Variants in TMEM225B observed in about 807,000 individuals in gnomAD.
TMEM225B encodes the protein transmembrane protein 225B, also known as transmembrane protein 225-like.
TMEM225B carries 10 observed loss-of-function variants against 16.9 expected under a neutral mutation model. The observed-to-expected ratio is 0.59, with a 90% CI of 0.36 to 1.00. The LOEUF (loss-of-function observed/expected upper bound fraction) is 1.00. Among genes scored for constraint, TMEM225B ranks in the 50% least tolerant of loss-of-function variants. The pLI, the probability that TMEM225B is intolerant of heterozygous loss-of-function variation, is 0.01. For synonymous variants in TMEM225B, 92 were observed against 109.8 expected, an observed-to-expected ratio of 0.84 and a Z score of 1.01; for missense variants, 217 against 267.0, an observed-to-expected ratio of 0.81 and a Z score of 1.30.
intron 2 of TMEM225B, among the ~76,000 whole-genome samples, chr7:99,603,117 C>G (rs1253115878): frequency 6.6e-6 from 1 of 152,196 alleles, no homozygotes; most frequent in Non-Finnish European, 1.5e-5. Context: ...AGGGCCCAGG[C>G]TGCAGGAGGC....
At chr7:99,604,002 G>A (rs988478014) in intron 2 of TMEM225B, among the ~76,000 whole-genome samples, 1 of 152,062 alleles carries the variant, frequency 6.6e-6, no homozygotes, top group African/African-American at 2.4e-5. Flanking sequence ...CGATCCGCCT[G>A]TCTCAGCCTC....
chr7:99,603,228 T>G (rs894033766), intron 2 of TMEM225B, among the ~76,000 whole-genome samples: 4 of 152,178 alleles, frequency 2.6e-5, no homozygotes, highest in Admixed American at 2.0e-4. Flanking sequence ...TCTCCCCACC[T>G]AAACCCACAG....
chr7:99,607,034 C>T (rs1805876152), intron 4 of TMEM225B, 140 bp downstream of exon 4: 3 of 933,202 alleles, frequency 3.2e-6, no homozygotes, highest in South Asian at 3.4e-5. Context: ...GTTACCCAGG[C>T]TGGAGTGCAG....
intron 5 of TMEM225B, among the ~76,000 whole-genome samples, chr7:99,609,289 A>G (rs191460507): frequency 2.8e-4 from 42 of 152,286 alleles, no homozygotes; most frequent in Non-Finnish European, 8.8e-5. Context: ...ATTTCCATGA[A>G]TTCTTTGAAG....
Position 99,604,532 on chromosome 7 carries a change from C to G in TMEM225B, c.144C>G (p.Val48=). 1 of 1,536,122 alleles carries G rather than the reference C, an allele frequency of 6.5e-7. No individual in the cohort carries two copies. The highest frequency in any genetic ancestry group is 8.7e-7 in the Non-Finnish European group (1 of 1,146,906). The change falls in exon 3 of 6, where the codon GTC becomes GTG. Residue 48 remains valine (V), a synonymous_variant. Coordinates refer to ENST00000431679, the MANE Select transcript of TMEM225B (RefSeq NM_001195541.3). Reference sequence around the variant, plus strand: ...TGACAAACGAGGAGTCCCACGAAGTCTTTTTCAGTGGCCTATTTGAGAACT... The same window carrying G: ...TGACAAACGAGGAGTCCCACGAAGTGTTTTTCAGTGGCCTATTTGAGAACT... ...VRLTNEESHE[V]FFSGLFENCF...
intron 2 of TMEM225B, among the ~76,000 whole-genome samples, chr7:99,604,045 G>A (rs1038427696): frequency 1.3e-5 from 2 of 152,066 alleles, no homozygotes; most frequent in African/African-American, 4.8e-5. Flanking sequence ...GTGAACCACC[G>A]CACCCAGCTG....
At chr7:99,605,011 A>G (rs1805681676) in intron 3 of TMEM225B, among the ~76,000 whole-genome samples, 1 of 134,494 alleles carries the variant, frequency 7.4e-6, no homozygotes, top group Non-Finnish European at 1.5e-5. Flanking sequence ...AACAACAACA[A>G]CAACAACAAC....
In TMEM225B at chr7:99,599,790, G is replaced by A. The variant is rs564579121; in HGVS notation, c.-84-415G>A. Reference sequence around the variant, plus strand: ...GGTGGCTGGTGAGACTGTCCTGGCAGTGATGCAGTATTCTGGTCCCTGTGC... The same window carrying A: ...GGTGGCTGGTGAGACTGTCCTGGCAATGATGCAGTATTCTGGTCCCTGTGC... On this transcript the variant is annotated intron_variant, in intron 1 of 5. Transcript: ENST00000431679. Among the ~76,000 whole-genome samples, 3 of 152,312 alleles carry A rather than the reference G, an allele frequency of 2.0e-5. No homozygotes were observed. In the East Asian group the frequency reaches 5.8e-4, roughly 29 times the overall value.
In TMEM225B at chr7:99,610,283, A is replaced by G. The variant is rs148866224; in HGVS notation, c.494-110A>G. The G allele has an allele frequency of 3.6e-3, 2,560 of 714,610 alleles. 30 individuals carry two copies. In the African/African-American group the frequency reaches 0.037, roughly 10 times the overall value. The allele number at this position is 714,610 out of a possible 1,614,324, so 44.3% of individuals were successfully genotyped here. On this transcript the variant is annotated intron_variant, in intron 5 of 5. Coordinates refer to ENST00000431679, the MANE Select transcript of TMEM225B (RefSeq NM_001195541.3). ...GTAATCTCTCTCTGTAATACTCTAG[A>G]TTGGGGGGCAGAATGAGGGAGGGCA...
rs1263672827 is a variant in TMEM225B, at chr7:99,610,731, G to A, written c.*166G>A. On this transcript the variant is annotated 3_prime_UTR_variant, in exon 6 of 6. Transcript: ENST00000431679. ...TACTCACAGTGATTCTATCTTGCTTGTATGTGAAATTTGCTAAAAGTCCTT... is the reference window on the plus strand; with the variant it reads ...TACTCACAGTGATTCTATCTTGCTTATATGTGAAATTTGCTAAAAGTCCTT... The A allele has an allele frequency of 1.1e-5, 6 of 538,938 alleles. No homozygotes were observed. The highest frequency in any genetic ancestry group is 1.9e-5 in the African/African-American group (1 of 53,510). 33.4% of individuals were successfully genotyped at this position (538,938 alleles called of 1,614,324 possible).
intron 4 of TMEM225B, 136 bp downstream of exon 4, chr7:99,607,030 C>A: frequency 1.0e-6 from 1 of 954,200 alleles, no homozygotes; most frequent in African/African-American, 1.6e-5. Flanking sequence ...CTCTGTTACC[C>A]AGGCTGGAGT....
intron 4 of TMEM225B, 47 bp from the exon 5 acceptor site, chr7:99,607,626 C>G: frequency 6.7e-7 from 1 of 1,500,448 alleles, no homozygotes; most frequent in Non-Finnish European, 8.9e-7. Context: ...GGAGGGAAGG[C>G]GGGTAGCATG....
rs748951466 is a variant in TMEM225B at position 99,610,565 on chromosome 7, G to C, written c.666G>C (p.Ter222TyrextTer18). 2.2e-5 allele frequency: 34 copies of C among 1,535,996 alleles called. No individual in the cohort carries two copies. The South Asian group carries it at 4.0e-4, about 18-fold the overall frequency. ...AGGTGACAGCAGAAACAGTCATCTA[G>C]CCCAGGACATGGCTTCTTTACCCTT... Reference protein sequence around the residue: ...ETQVTAETVI* With the variant: ...ETQVTAETVIY Residue 222 changes from the stop codon to tyrosine, a stop_lost, in exon 6 of 6, where the codon TAG becomes TAC. Coordinates refer to ENST00000431679, the MANE Select transcript of TMEM225B (RefSeq NM_001195541.3).
At chr7:99,606,711 G>C (rs1345998462) in intron 3 of TMEM225B, 37 bp from the exon 4 acceptor site, 1 of 1,532,934 alleles carries the variant, frequency 6.5e-7, no homozygotes, top group South Asian at 1.2e-5. Context: ...CCGGGTCAGG[G>C]TTCCCAGCTT....
intron 4 of TMEM225B, 38 bp downstream of exon 4, chr7:99,606,932 G>T: frequency 6.5e-7 from 1 of 1,534,202 alleles, no homozygotes; most frequent in Non-Finnish European, 8.7e-7. Flanking sequence ...CTTCGCTAGG[G>T]CCTGGGGAGG....
At chr7:99,609,732 C>T (rs571515854) in intron 5 of TMEM225B, among the ~76,000 whole-genome samples, 1 of 150,182 alleles carries the variant, frequency 6.7e-6, no homozygotes, top group Non-Finnish European at 1.5e-5. Flanking sequence ...CCGCGCCCGG[C>T]CACTTGTTCT....
At position 99,610,920 on chromosome 7, in the gene TMEM225B, C is replaced by T. The variant is rs1482170525; in HGVS notation, c.*355C>T. The stretch of plus-strand genomic sequence containing the variant: ...AAATGGGATTTTGTGAAACAGAAAC[C>T]GTACAGAATACAGAATATACTCGGG... On this transcript the variant is annotated 3_prime_UTR_variant, in exon 6 of 6. Transcript: ENST00000431679. 2.5e-5 allele frequency: 5 copies of T among 203,346 alleles called. No homozygotes were observed. The highest frequency in any genetic ancestry group is 2.1e-4 in the South Asian group (2 of 9,336). The allele number at this position is 203,346 out of a possible 1,614,324, so 12.6% of individuals were successfully genotyped here. A position where few individuals can be genotyped will look rare whatever the true frequency, so the allele number is the denominator to read the frequency against.
intron 2 of TMEM225B, 53 bp from the exon 3 acceptor site, chr7:99,604,333 C>T: frequency 1.7e-6 from 2 of 1,211,700 alleles, no homozygotes; most frequent in East Asian, 2.5e-5. Flanking sequence ...CTCTGTGCTG[C>T]AGGAGAATTT....
Position 99,607,802 on chromosome 7 carries a change from T to C in TMEM225B, c.485T>C (p.Ile162Thr), listed in dbSNP as rs944923767. The C allele has an allele frequency of 5.3e-5, 81 of 1,535,932 alleles. No homozygotes were observed. In the African/African-American group the frequency reaches 6.8e-4, roughly 13 times the overall value. The change falls in exon 5 of 6, where the codon ATA (isoleucine) becomes ACA (threonine). Residue 162 changes from isoleucine (I) to threonine (T), a missense_variant. Ile to Thr is a moderately conservative substitution (Grantham distance 89, BLOSUM62 -1). Transcript: ENST00000431679. The stretch of plus-strand genomic sequence containing the variant: ...CTGGGCTTCGGCATCTTTCTGTTCA[T>C]AGTGGCTGGTGAGTGTCCAGGGAAC... ...YVLGFGIFLF[I>T]VAGTICLIQE...
Sources: gnomAD v4.1 joint callset for allele counts (sites outside exome capture counted in the v4.1 genomes callset) on GRCh38, gnomAD v4.1.1 for gene constraint, MANE v1.5 for transcripts, NCBI Gene and HGNC (gene_info 2026-07-23, HGNC 2026-07-21) for gene names.